THSD4: variants seen among roughly 807,000 people sequenced by gnomAD.
The protein encoded by THSD4 is thrombospondin type 1 domain containing 4.
In THSD4, 69 loss-of-function variants were observed where a neutral mutation model predicts 119.0. The ratio of observed to expected loss-of-function variants is 0.58; its 90% CI spans 0.48 to 0.71. The LOEUF is 0.71. THSD4 is among the 30% of genes least tolerant of loss of function. The probability of loss-of-function intolerance (pLI) is 0.00; values close to 1 mark genes in which losing one functional copy is unlikely to be tolerated. For missense variants in THSD4, 1,393 were observed against 1,391.1 expected (o/e 1.00, Z -0.02); for synonymous variants, 524 against 540.4 (o/e 0.97, Z 0.42).
intron 7 of THSD4, chr15:71,547,459 T>C: frequency 6.4e-7 from 1 of 1,550,508 alleles, no homozygotes; most frequent in Non-Finnish European, 8.7e-7. Context: ...CAAACAGCAG[T>C]GTTAGCAAGA....
chr15:71,260,984 C>A (rs1481609623), intron 6 of THSD4, among the ~76,000 whole-genome samples: 1 of 152,168 alleles, frequency 6.6e-6, no homozygotes, highest in African/African-American at 2.4e-5. Flanking sequence ...TGCCTGTAAT[C>A]CCAGCTACGC....
intron 6 of THSD4, among the ~76,000 whole-genome samples, chr15:71,274,517 A>T (rs1448528950): frequency 6.6e-6 from 1 of 152,046 alleles, no homozygotes; most frequent in African/African-American, 2.4e-5. Context: ...GTGAGGAATG[A>T]TTCCCTCCTC....
In THSD4 at chr15:71,724,285, A is replaced by ATTTT. The variant is rs1448681867; in HGVS notation, c.1358-4263_1358-4262insTTTT. ...TGATGGGATATATATATATATATAT[A>ATTTT]TATTTTTTTTTTCCCCCCAAGATGG... is the stretch of plus-strand genomic sequence containing the variant. On this transcript the variant is annotated intron_variant, in intron 8 of 17. Transcript: ENST00000261862. Among the ~76,000 whole-genome samples the ATTTT allele has an allele frequency of 3.0e-3, 60 of 20,328 alleles. 1 individual carries two copies. In the Admixed American group the frequency reaches 0.032, roughly 11 times the overall value. The allele number at this position is 20,328 out of a possible 152,430, so 13.3% of individuals were successfully genotyped here. A position where few individuals can be genotyped will look rare whatever the true frequency, so the allele number is the denominator to read the frequency against.
rs2053529868 is a variant in THSD4, at chr15:71,755,850, A to T, written c.2416-2052A>T. On this transcript the variant is annotated intron_variant, in intron 14 of 17. Transcript: ENST00000261862. The stretch of plus-strand genomic sequence containing the variant: ...ACACTCAAGATAGTCTTCACAGAGG[A>T]CAGAGGAGAAGGTATTTGAGGTGAG... 5.3e-5 allele frequency among the ~76,000 whole-genome samples: 8 copies of T among 152,220 alleles called. No homozygotes were observed. The South Asian group carries it at 1.7e-3, about 32-fold the overall frequency.
chr15:71,547,152 C>G, intron 7 of THSD4: 2 of 1,236,204 alleles, frequency 1.6e-6, no homozygotes, highest in Non-Finnish European at 2.0e-6. Context: ...TTAAAGGCAG[C>G]CCCCCAGCTC....
intron 14 of THSD4, among the ~76,000 whole-genome samples, chr15:71,749,694 A>ATTGTT: frequency 2.6e-5 from 1 of 39,012 alleles, no homozygotes; most frequent in Non-Finnish European, 6.6e-5. Context: ...TATATTTTTA[A>ATTGTT]ATTTTTATTT....
chr15:71,101,723 T>TA (rs1422784448), intron 1 of THSD4, among the ~76,000 whole-genome samples: 2 of 151,762 alleles, frequency 1.3e-5, no homozygotes, highest in African/African-American at 4.8e-5. Context: ...TTTTTTATTT[T>TA]TTTTTTTTGA....
At chr15:71,262,289 T>C (rs1276104849) in intron 6 of THSD4, among the ~76,000 whole-genome samples, 1 of 152,210 alleles carries the variant, frequency 6.6e-6, no homozygotes, top group Non-Finnish European at 1.5e-5. Context: ...GACCTATTAC[T>C]GTAAAGATGG....
chr15:71,682,572 CTT>C (rs33972227), intron 8 of THSD4, among the ~76,000 whole-genome samples: 25,609 of 141,742 alleles, frequency 0.18, 2,469 homozygotes, highest in East Asian at 0.38. Flanking sequence ...TTGTATCTGG[CTT>C]TTTTTTTTTT....
In THSD4 at chr15:71,447,482, C is replaced by T. The variant is rs553815865; in HGVS notation, c.1152+35659C>T. On this transcript the variant is annotated intron_variant, in intron 7 of 17. Transcript: ENST00000261862. Reference sequence around the variant, plus strand: ...GTTGAATACTCAGCTAATGAGTCACCCTCGGAGAGACTTCTCTGACCACCT... The same window carrying T: ...GTTGAATACTCAGCTAATGAGTCACTCTCGGAGAGACTTCTCTGACCACCT... Among the ~76,000 whole-genome samples the T allele has an allele frequency of 4.6e-5, 7 of 152,220 alleles. No homozygotes were observed. In the South Asian group the frequency reaches 1.0e-3, roughly 23 times the overall value.
At chr15:71,545,475 C>T (rs570039816) in intron 7 of THSD4, among the ~76,000 whole-genome samples, 8 of 152,246 alleles carry the variant, frequency 5.3e-5, no homozygotes, top group South Asian at 2.1e-4. Flanking sequence ...GCTATAATGG[C>T]GGCGTTGAGT....
At chr15:71,653,900 A>G (rs1566572) in intron 7 of THSD4, among the ~76,000 whole-genome samples, 39,852 of 151,852 alleles carry the variant, frequency 0.26, 6,024 homozygotes, top group East Asian at 0.7. Context: ...ATTTGGAAGC[A>G]TCTACCTGAG....
chr15:71,447,957 C>T (rs1010446348), intron 7 of THSD4, among the ~76,000 whole-genome samples: 1 of 152,178 alleles, frequency 6.6e-6, no homozygotes, highest in African/African-American at 2.4e-5. Context: ...GGTTACTTGT[C>T]AATTGAATCT....
Position 71,263,126 on chromosome 15 carries a change from G to C in THSD4, c.1015+6411G>C, listed in dbSNP as rs1400096951. Among the ~76,000 whole-genome samples, 3 of 151,896 alleles carry C rather than the reference G, an allele frequency of 2.0e-5. No homozygotes were observed. The South Asian group carries it at 6.3e-4, about 32-fold the overall frequency. On this transcript the variant is annotated intron_variant, in intron 6 of 17. Transcript: ENST00000261862. ...GACCTTCTCCCTCCTCCCAGTCTCTGCCCTCTGATAGGCTCCAGTGTGTGT... is the reference window on the plus strand; with the variant it reads ...GACCTTCTCCCTCCTCCCAGTCTCTCCCCTCTGATAGGCTCCAGTGTGTGT...
chr15:71,755,868 G>C (rs377346249), intron 14 of THSD4, among the ~76,000 whole-genome samples: 1 of 152,170 alleles, frequency 6.6e-6, no homozygotes, highest in Non-Finnish European at 1.5e-5. Flanking sequence ...GAAGGTATTT[G>C]AGGTGAGCCT....
At chr15:71,764,251 C>T (rs1595928907) in intron 15 of THSD4, among the ~76,000 whole-genome samples, 1 of 152,190 alleles carries the variant, frequency 6.6e-6, no homozygotes, top group East Asian at 1.9e-4. Flanking sequence ...GTCTCAAAAA[C>T]AAGGAAAAAT....
At chr15:71,529,443 T>C (rs2048577464) in intron 7 of THSD4, among the ~76,000 whole-genome samples, 1 of 152,222 alleles carries the variant, frequency 6.6e-6, no homozygotes, top group Non-Finnish European at 1.5e-5. Flanking sequence ...CTATTCAAAA[T>C]ATGCTGTGTA....
At chr15:71,278,664 TG>T (rs1301659248) in intron 6 of THSD4, among the ~76,000 whole-genome samples, 8 of 152,314 alleles carry the variant, frequency 5.3e-5, no homozygotes, top group African/African-American at 1.9e-4. Context: ...TAGTCTCTGA[TG>T]GGGCAAGGAG....
rs537111349 is a variant in THSD4 at position 71,398,859 on chromosome 15, A to T, written c.1016-12828A>T. 2.0e-5 allele frequency among the ~76,000 whole-genome samples: 3 copies of T among 152,176 alleles called. No homozygotes were observed. In the South Asian group the frequency reaches 6.2e-4, roughly 32 times the overall value. The stretch of plus-strand genomic sequence containing the variant: ...GGGTAGGAGACAGGGGCATGGTGTT[A>T]GAAATCCAGAACAGAAACAGAGGCA... On this transcript the variant is annotated intron_variant, in intron 6 of 17. Transcript: ENST00000261862.
Sources: gnomAD v4.1 joint callset for allele counts (sites outside exome capture counted in the v4.1 genomes callset) on GRCh38, gnomAD v4.1.1 for gene constraint, MANE v1.5 for transcripts, NCBI Gene and HGNC (gene_info 2026-07-23, HGNC 2026-07-21) for gene names.